The following INSL6 variants were observed in gnomAD, a reference collection of about 807,000 sequenced individuals.
The protein encoded by INSL6 is insulin-like peptide INSL6.
A neutral mutation model predicts 9.4 loss-of-function variants in INSL6; 16 were observed. The observed-to-expected ratio is 1.70, with a 90% CI of 1.15 to 2.59. The LOEUF (loss-of-function observed/expected upper bound fraction) is 2.59, where lower values mean the gene tolerates loss of function less well. INSL6 is among the 30% of genes most tolerant of loss of function. INSL6 has a pLI of 0.00. For synonymous variants in INSL6, 154 were observed against 96.9 expected (o/e 1.59, Z -3.46); for missense variants, 391 against 257.3 (o/e 1.52, Z -3.56).
chr9:5,081,305 C>G, the INSL6 span, among the ~76,000 whole-genome samples: 2 of 151,480 alleles, frequency 1.3e-5, no homozygotes, highest in African/African-American at 4.9e-5. Flanking sequence ...TTCTCTTTAA[C>G]ATTTCTCATA....
chr9:5,087,513 C>T, the INSL6 span, among the ~76,000 whole-genome samples: 1 of 151,492 alleles, frequency 6.6e-6, no homozygotes, highest in African/African-American at 2.4e-5. Context: ...TATCTCAAAC[C>T]CTTCTGGTTT....
Position 5,185,336 on chromosome 9 carries a change from G to T in INSL6, c.267C>A (p.Ala89=). ...QFESPQTASP[A]RGRGTNPVST... ...TACCTGGGTTTGTGCCTCTTCCCCGGGCCGGGGAAGCGGTTTGCGGGCTTT... is the reference window on the plus strand; with the variant it reads ...TACCTGGGTTTGTGCCTCTTCCCCGTGCCGGGGAAGCGGTTTGCGGGCTTT... Residue 89 remains alanine (A), a synonymous_variant, in exon 1 of 2, where the codon GCC becomes GCA. Coordinates refer to ENST00000381641, the MANE Select transcript of INSL6 (RefSeq NM_007179.3). The T allele has an allele frequency of 6.2e-7, 1 of 1,614,070 alleles. No individual in the cohort carries two copies. Among genetic ancestry groups the T allele is most frequent in the African/African-American group, 1.3e-5 (1 of 75,008 alleles).
the INSL6 span, chr9:5,099,594 C>G: frequency 2.0e-5 from 3 of 152,142 alleles, no homozygotes; most frequent in African/African-American, 7.2e-5. Context: ...TTTTGCTACC[C>G]CTACAATTCT....
At chr9:5,096,220 A>G in the INSL6 span, among the ~76,000 whole-genome samples, 1 of 152,114 alleles carries the variant, frequency 6.6e-6, no homozygotes, top group Non-Finnish European at 1.5e-5. Context: ...TATTTCTTCT[A>G]CCTTCCTCTT....
chr9:5,157,522 CA>C, intron 2 of INSL6, among the ~76,000 whole-genome samples: 1 of 151,336 alleles, frequency 6.6e-6, no homozygotes, highest in Admixed American at 6.6e-5. Context: ...TAGGAATTTG[CA>C]GGAAAAAAAA....
At chr9:5,078,525 T>A in the INSL6 span, 1 of 1,023,790 alleles carries the variant, frequency 9.8e-7, no homozygotes, top group African/African-American at 1.6e-5. Flanking sequence ...TAATTTTCCT[T>A]GAATTCCATT....
chr9:5,069,208 G>C, the INSL6 span: 1 of 1,592,138 alleles, frequency 6.3e-7, no homozygotes, highest in Non-Finnish European at 8.6e-7. Flanking sequence ...AAAGCCAAAA[G>C]GTAAGATAAT....
the INSL6 span, chr9:5,054,842 G>C: frequency 4.3e-6 from 7 of 1,610,348 alleles, no homozygotes; most frequent in South Asian, 1.1e-5. This position sits in a 1 kb window ranked among gnomAD's most constrained non-coding sequence, Gnocchi z 4.9. Flanking sequence ...GAATTCAGTG[G>C]TCAAGAGGGA....
chr9:5,117,400 A>G, the INSL6 span, among the ~76,000 whole-genome samples: 2 of 152,240 alleles, frequency 1.3e-5, no homozygotes. Context: ...CTTTTGTTAT[A>G]GAACAGCAGT....
chr9:5,077,072 T>G, the INSL6 span, among the ~76,000 whole-genome samples: 1 of 151,948 alleles, frequency 6.6e-6, no homozygotes, highest in East Asian at 1.9e-4. Flanking sequence ...GTTAGTAATT[T>G]TTGTGTGTAG....
At chr9:5,022,444 T>G in the INSL6 span, among the ~76,000 whole-genome samples, 1 of 152,244 alleles carries the variant, frequency 6.6e-6, no homozygotes, top group Admixed American at 6.5e-5. Context: ...GTTTGCTGAC[T>G]ATTCTTTATA....
chr9:5,041,589 G>A, the INSL6 span: 3 of 501,200 alleles, frequency 6.0e-6, no homozygotes, highest in Non-Finnish European at 1.2e-5. Context: ...GCGGCGCCTG[G>A]ACTTTGAGAA....
the INSL6 span, among the ~76,000 whole-genome samples, chr9:5,062,500 T>TAAAAAAAAAAAAAAAAAAAAAA: frequency 4.5e-4 from 26 of 58,246 alleles, 4 homozygotes; most frequent in African/African-American, 2.5e-3. Context: ...CTTCCATTTG[T>TAAAAAAAAAAAAAAAAAAAAAA]AAAAAAAAAA....
the INSL6 span, chr9:5,107,888 T>TA: frequency 6.6e-6 from 1 of 152,168 alleles, no homozygotes; most frequent in African/African-American, 2.4e-5. Context: ...CTCCAACACA[T>TA]ACGGCCTAGA....
At chr9:5,057,494 A>T in the INSL6 span, among the ~76,000 whole-genome samples, 2 of 151,560 alleles carry the variant, frequency 1.3e-5, no homozygotes, top group Admixed American at 1.3e-4. Flanking sequence ...GAACTCTTTT[A>T]TCTTGCAAAA....
At chr9:5,105,938 T>A in the INSL6 span, among the ~76,000 whole-genome samples, 2 of 152,202 alleles carry the variant, frequency 1.3e-5, no homozygotes, top group Non-Finnish European at 1.5e-5. Flanking sequence ...ACTTAAATGT[T>A]AGACTTAAAA....
At chr9:5,081,039 G>T in the INSL6 span, among the ~76,000 whole-genome samples, 2 of 151,418 alleles carry the variant, frequency 1.3e-5, no homozygotes, top group Non-Finnish European at 2.9e-5. Context: ...GGGACTACAG[G>T]CGCCCGCCAC....
the INSL6 span, chr9:5,050,598 C>G: frequency 7.4e-7 from 1 of 1,358,160 alleles, no homozygotes; most frequent in Non-Finnish European, 1.0e-6. Flanking sequence ...TGCATATGTT[C>G]TGAAAATTAT....
intron 1 of INSL6, among the ~76,000 whole-genome samples, chr9:5,173,957 G>A (rs1564054301): frequency 6.6e-6 from 1 of 152,002 alleles, no homozygotes; most frequent in Non-Finnish European, 1.5e-5. Flanking sequence ...GACTCCCTTT[G>A]CCAAATTTTT....
Sources: gnomAD v4.1 joint callset for allele counts (sites outside exome capture counted in the v4.1 genomes callset) on GRCh38, gnomAD v4.1.1 for gene constraint, Gnocchi (gnomAD v3.1) non-coding constraint, MANE v1.5 for transcripts, NCBI Gene and HGNC (gene_info 2026-07-23, HGNC 2026-07-21) for gene names.